Variants in TAFA1 observed in about 807,000 individuals in gnomAD.
TAFA1 encodes the protein chemokine-like protein TAFA-1.
In TAFA1, 4 loss-of-function variants were observed where a neutral mutation model predicts 18.5. The ratio of observed to expected loss-of-function variants is 0.22; its 90% CI spans 0.11 to 0.49. TAFA1 has a LOEUF of 0.49. Among genes scored for constraint, TAFA1 ranks in the 20% least tolerant of loss-of-function variants. TAFA1 has a pLI of 0.98. For missense variants in TAFA1, 147 were observed against 169.0 expected, an observed-to-expected ratio of 0.87 and a Z score of 0.72; for synonymous variants, 56 against 55.2, an observed-to-expected ratio of 1.01 and a Z score of -0.06.
chr3:68,384,674 A>G (rs2070052370), intron 2 of TAFA1, among the ~76,000 whole-genome samples: 1 of 152,052 alleles, frequency 6.6e-6, no homozygotes, highest in South Asian at 2.1e-4. Flanking sequence ...GTAGATGTTT[A>G]TCAGTTCCAT....
At chr3:68,235,991 G>A (rs1055161064) in intron 2 of TAFA1, among the ~76,000 whole-genome samples, 3 of 152,054 alleles carry the variant, frequency 2.0e-5, no homozygotes, top group African/African-American at 7.2e-5. Flanking sequence ...TTCCTTATTT[G>A]TTTAAGCTGA....
At chr3:68,312,821 T>G (rs1330571699) in intron 2 of TAFA1, among the ~76,000 whole-genome samples, 2 of 152,214 alleles carry the variant, frequency 1.3e-5, no homozygotes, top group African/African-American at 4.8e-5. Context: ...GGTAACAATT[T>G]ATTGTATTAG....
At position 68,108,473 on chromosome 3, in the gene TAFA1, T is replaced by C. The variant is rs199687691; in HGVS notation, c.118+101729T>C. ...GTGTGTGTGTGTGTGCATGTGTGTG[T>C]GTGTATAAAGTAGTGAATTAAGCAT... is the stretch of plus-strand genomic sequence containing the variant. On this transcript the variant is annotated intron_variant, in intron 2 of 4. Coordinates refer to ENST00000478136, the MANE Select transcript of TAFA1 (RefSeq NM_213609.4). Among the ~76,000 whole-genome samples, 794 of 151,936 alleles carry C rather than the reference T, an allele frequency of 5.2e-3. 33 individuals are homozygous for C. The East Asian group carries it at 0.1, about 20-fold the overall frequency.
chr3:68,112,823 C>CA (rs952279576), intron 2 of TAFA1, among the ~76,000 whole-genome samples: 16 of 151,658 alleles, frequency 1.1e-4, no homozygotes, highest in Non-Finnish European at 1.5e-5. Context: ...ATAATATTAT[C>CA]AAAATAATCA....
At chr3:68,406,150 A>G (rs2070603492) in intron 2 of TAFA1, among the ~76,000 whole-genome samples, 1 of 152,228 alleles carries the variant, frequency 6.6e-6, no homozygotes. Context: ...ATTAGATATT[A>G]GTATATTCAA....
At position 68,319,558 on chromosome 3, in the gene TAFA1, C is replaced by T. The variant is rs541945171; in HGVS notation, c.119-97722C>T. 2.0e-5 allele frequency among the ~76,000 whole-genome samples: 3 copies of T among 152,322 alleles called. No individual in the cohort carries two copies. The South Asian group carries it at 6.2e-4, about 32-fold the overall frequency. Reference sequence around the variant, plus strand: ...AAGTTGAGAAACCCTGCCCGAATGGCTTATTGCTCAAGTTTTGTCCAATGT... The same window carrying T: ...AAGTTGAGAAACCCTGCCCGAATGGTTTATTGCTCAAGTTTTGTCCAATGT... On this transcript the variant is annotated intron_variant, in intron 2 of 4. Coordinates refer to ENST00000478136, the MANE Select transcript of TAFA1 (RefSeq NM_213609.4).
At position 68,410,795 on chromosome 3, in the gene TAFA1, T is replaced by C. The variant is rs1303753815; in HGVS notation, c.119-6485T>C. 2.7e-5 allele frequency among the ~76,000 whole-genome samples: 4 copies of C among 148,294 alleles called. No individual in the cohort carries two copies. In the East Asian group the frequency reaches 8.0e-4, roughly 30 times the overall value. On this transcript the variant is annotated intron_variant, in intron 2 of 4. Transcript: ENST00000478136. ...TAGCTTTGAGAAACCATAGATCATCTTGAAATCATTTTGACTTGGATTGAG... is the reference window on the plus strand; with the variant it reads ...TAGCTTTGAGAAACCATAGATCATCCTGAAATCATTTTGACTTGGATTGAG...
At chr3:68,248,700 G>C (rs1229208714) in intron 2 of TAFA1, among the ~76,000 whole-genome samples, 2 of 137,944 alleles carry the variant, frequency 1.4e-5, no homozygotes, top group Non-Finnish European at 3.1e-5. Flanking sequence ...AAACATCTGA[G>C]TCCTGAGTTT....
intron 2 of TAFA1, among the ~76,000 whole-genome samples, chr3:68,377,933 G>C (rs904433510): frequency 6.6e-6 from 1 of 152,200 alleles, no homozygotes. Flanking sequence ...GTGGTGATGG[G>C]CCTGTGGGTA....
chr3:68,510,781 C>T (rs1342969755), intron 3 of TAFA1, among the ~76,000 whole-genome samples: 2 of 151,970 alleles, frequency 1.3e-5, no homozygotes, highest in Non-Finnish European at 2.9e-5. Context: ...GTCTCTTTTG[C>T]ATAGTAAAGG....
intron 2 of TAFA1, among the ~76,000 whole-genome samples, chr3:68,253,840 G>C (rs1346651493): frequency 6.6e-6 from 1 of 152,142 alleles, no homozygotes; most frequent in Non-Finnish European, 1.5e-5. Flanking sequence ...AGTTGAAACA[G>C]GTTTTGTGCC....
At chr3:68,204,498 A>G (rs2066503567) in intron 2 of TAFA1, among the ~76,000 whole-genome samples, 1 of 140,716 alleles carries the variant, frequency 7.1e-6, no homozygotes, top group South Asian at 2.7e-4. Context: ...GTGGACCAAC[A>G]GTTGTGTCCT....
chr3:68,436,657 A>G (rs1168471813), intron 3 of TAFA1, among the ~76,000 whole-genome samples: 1 of 152,164 alleles, frequency 6.6e-6, no homozygotes, highest in Non-Finnish European at 1.5e-5. Context: ...ACAAAATAGA[A>G]TAAATTTAAG....
At chr3:68,438,164 G>A (rs1481397034) in intron 3 of TAFA1, among the ~76,000 whole-genome samples, 2 of 152,010 alleles carry the variant, frequency 1.3e-5, no homozygotes, top group Non-Finnish European at 1.5e-5. Context: ...TTTGAGACCA[G>A]CCTGAGCAAC....
intron 2 of TAFA1, among the ~76,000 whole-genome samples, chr3:68,131,159 C>G (rs2065531642): frequency 6.6e-6 from 1 of 152,170 alleles, no homozygotes; most frequent in African/African-American, 2.4e-5. Flanking sequence ...CCATATATAA[C>G]TAGTCATGCA....
chr3:68,186,272 T>C (rs2066270933), intron 2 of TAFA1, among the ~76,000 whole-genome samples: 1 of 152,050 alleles, frequency 6.6e-6, no homozygotes, highest in African/African-American at 2.4e-5. Flanking sequence ...TACAAACCAG[T>C]GGATAACTTC....
chr3:68,490,055 C>A (rs895979423), intron 3 of TAFA1, among the ~76,000 whole-genome samples: 2 of 152,130 alleles, frequency 1.3e-5, no homozygotes, highest in Non-Finnish European at 2.9e-5. Flanking sequence ...GCATTTGTTG[C>A]CAATGATAGA....
chr3:68,539,744 G>T (rs1020771691), intron 4 of TAFA1, among the ~76,000 whole-genome samples: 2 of 144,990 alleles, frequency 1.4e-5, no homozygotes, highest in Admixed American at 7.0e-5. Context: ...GTGCATGCCT[G>T]TGTGTGTTTT....
intron 2 of TAFA1, among the ~76,000 whole-genome samples, chr3:68,405,440 G>A (rs2070580953): frequency 6.6e-6 from 1 of 151,834 alleles, no homozygotes. Context: ...ATGAGAATGG[G>A]AGGATTGCTT....
Sources: gnomAD v4.1 joint callset for allele counts (sites outside exome capture counted in the v4.1 genomes callset) on GRCh38, gnomAD v4.1.1 for gene constraint, MANE v1.5 for transcripts, NCBI Gene and HGNC (gene_info 2026-07-23, HGNC 2026-07-21) for gene names.